Variants in CLSTN2 observed in about 807,000 individuals in gnomAD.
CLSTN2 encodes the protein calsyntenin-2.
A neutral mutation model predicts 101.2 loss-of-function variants in CLSTN2; 48 were observed. The observed-to-expected ratio is 0.47, with a 90% CI of 0.38 to 0.60. The LOEUF is 0.60. Ranked by LOEUF, CLSTN2 falls within the 20% of genes least tolerant of loss-of-function variation. The pLI is 0.00. For missense variants in CLSTN2, 1,160 were observed against 1,238.2 expected (o/e 0.94, Z 0.95); for synonymous variants, 481 against 463.6 (o/e 1.04, Z -0.48).
intron 2 of CLSTN2, among the ~76,000 whole-genome samples, chr3:140,354,274 T>TG (rs567749020): frequency 2.7e-4 from 41 of 152,222 alleles, no homozygotes; most frequent in Non-Finnish European, 3.7e-4. Context: ...TCAAGGGCAC[T>TG]GTAACTCCAC....
chr3:140,373,151 A>T (rs994071485), intron 2 of CLSTN2, among the ~76,000 whole-genome samples: 2 of 152,194 alleles, frequency 1.3e-5, no homozygotes, highest in Non-Finnish European at 2.9e-5. Context: ...TTAACTCGGT[A>T]TTTTCCAAAG....
chr3:140,223,260 T>C lies in CLSTN2; in HGVS notation c.232+47187T>C, dbSNP rs2086290601. 2.0e-5 allele frequency among the ~76,000 whole-genome samples: 3 copies of C among 152,220 alleles called. No homozygotes were observed. In the South Asian group the frequency reaches 6.2e-4, roughly 32 times the overall value. The stretch of plus-strand genomic sequence containing the variant: ...TCATCAACTGGAGAAAGGAAAAGTT[T>C]GTTATGATTGTGGTGCAACCCTAAT... On this transcript the variant is annotated intron_variant, in intron 2 of 16. Transcript: ENST00000458420.
Position 140,133,984 on chromosome 3 carries a change from T to A in CLSTN2, c.110-41967T>A, listed in dbSNP as rs576374602. 2.0e-5 allele frequency among the ~76,000 whole-genome samples: 3 copies of A among 152,292 alleles called. No homozygotes were observed. The East Asian group carries it at 5.8e-4, about 29-fold the overall frequency. On this transcript the variant is annotated intron_variant, in intron 1 of 16. Transcript: ENST00000458420. ...ACCTAAATAGCCACAGCCTGTCTTG[T>A]GGGCAATAGTCACATCTGGCTGCAG...
intron 8 of CLSTN2, among the ~76,000 whole-genome samples, chr3:140,468,417 A>G (rs537982050): frequency 1.1e-3 from 173 of 152,342 alleles, no homozygotes; most frequent in Admixed American, 3.7e-3. Context: ...TAGGTGAGGA[A>G]GGAATTCTGG....
intron 1 of CLSTN2, among the ~76,000 whole-genome samples, chr3:140,117,497 C>A (rs2009265029): frequency 1.3e-5 from 2 of 152,146 alleles, no homozygotes; most frequent in East Asian, 1.9e-4. Flanking sequence ...TGACTCAGAG[C>A]CAGCCTATGA....
At chr3:140,484,538 G>A (rs550674690) in intron 8 of CLSTN2, among the ~76,000 whole-genome samples, 8 of 152,278 alleles carry the variant, frequency 5.3e-5, no homozygotes, top group African/African-American at 1.9e-4. Context: ...AAGTTCTCCT[G>A]GATAATATCC....
chr3:140,044,711 C>G (rs1179633780), intron 1 of CLSTN2, among the ~76,000 whole-genome samples: 2 of 152,148 alleles, frequency 1.3e-5, no homozygotes, highest in Non-Finnish European at 2.9e-5. Flanking sequence ...CCCATCAATA[C>G]CTAACTTATT....
intron 1 of CLSTN2, among the ~76,000 whole-genome samples, chr3:140,084,604 C>G (rs1424195094): frequency 3.3e-5 from 5 of 152,086 alleles, no homozygotes; most frequent in African/African-American, 9.7e-5. Context: ...GGTTATTTTA[C>G]CAAATTCCCA....
intron 15 of CLSTN2, 137 bp downstream of exon 15, chr3:140,563,340 G>A: frequency 1.0e-6 from 1 of 953,394 alleles, no homozygotes; most frequent in Admixed American, 2.6e-5. Context: ...TGGAGAAAAT[G>A]TGCCCTGGCT....
At chr3:140,468,282 G>A (rs576875490) in intron 8 of CLSTN2, among the ~76,000 whole-genome samples, 1 of 152,224 alleles carries the variant, frequency 6.6e-6, no homozygotes, top group East Asian at 1.9e-4. Context: ...ATATTGTGAG[G>A]GTTTTTAAAA....
chr3:140,374,109 A>G (rs2087889382), intron 2 of CLSTN2, among the ~76,000 whole-genome samples: 1 of 152,012 alleles, frequency 6.6e-6, no homozygotes, highest in African/African-American at 2.4e-5. Flanking sequence ...TCCTTCCTAC[A>G]CTTTCAATGG....
At chr3:140,531,061 G>A (rs1298882765) in intron 8 of CLSTN2, among the ~76,000 whole-genome samples, 1 of 151,950 alleles carries the variant, frequency 6.6e-6, no homozygotes, top group Non-Finnish European at 1.5e-5. Context: ...TATGTCTTGG[G>A]GTCACCCCAC....
chr3:140,397,737 T>G (rs906187591), intron 2 of CLSTN2, among the ~76,000 whole-genome samples: 1 of 152,202 alleles, frequency 6.6e-6, no homozygotes, highest in African/African-American at 2.4e-5. Context: ...GTGATTTGGT[T>G]TCAATGTATG....
In CLSTN2 at chr3:140,439,680, T is replaced by TG. The variant is rs34646993; in HGVS notation, c.788-8833dup. ...TCCACGACATTTCAATTCAGGTGGG[T>TG]GGGGGGTGTGCACACATACACAGCA... On this transcript the variant is annotated intron_variant, in intron 5 of 16. Coordinates refer to ENST00000458420, the MANE Select transcript of CLSTN2 (RefSeq NM_022131.3). Among the ~76,000 whole-genome samples, 705 of 152,242 alleles carry TG rather than the reference T, an allele frequency of 4.6e-3. 3 individuals are homozygous for TG. The highest frequency in any genetic ancestry group is 0.015 in the African/African-American group (622 of 41,538).
intron 7 of CLSTN2, 128 bp downstream of exon 7, chr3:140,459,897 CA>C: frequency 9.4e-7 from 1 of 1,063,988 alleles, no homozygotes; most frequent in Non-Finnish European, 1.4e-6. Flanking sequence ...GGAACCCTGC[CA>C]ATATATATTC....
chr3:140,196,117 C>T (rs970869726), intron 2 of CLSTN2, among the ~76,000 whole-genome samples: 4 of 152,212 alleles, frequency 2.6e-5, no homozygotes, highest in Admixed American at 6.5e-5. Context: ...TTCGTGTTAC[C>T]GAAGAAGAAT....
intron 8 of CLSTN2, among the ~76,000 whole-genome samples, chr3:140,471,232 T>C (rs559125634): frequency 5.9e-5 from 9 of 152,224 alleles, no homozygotes; most frequent in Admixed American, 3.9e-4. Context: ...ACAGGATAGG[T>C]TGACTAACTT....
chr3:140,123,791 G>C (rs2009383948), intron 1 of CLSTN2, among the ~76,000 whole-genome samples: 1 of 151,074 alleles, frequency 6.6e-6, no homozygotes, highest in African/African-American at 2.4e-5. Flanking sequence ...CATGAGGGGA[G>C]AGAGATGGAG....
At chr3:140,080,753 C>G (rs2008581426) in intron 1 of CLSTN2, among the ~76,000 whole-genome samples, 1 of 152,230 alleles carries the variant, frequency 6.6e-6, no homozygotes, top group Non-Finnish European at 1.5e-5. Context: ...CAAACACCCT[C>G]CAATCAGTCC....
Sources: allele counts gnomAD v4.1 joint callset (sites outside exome capture counted in the v4.1 genomes callset), GRCh38; gene constraint gnomAD v4.1.1; transcripts MANE v1.5; gene names NCBI Gene and HGNC (gene_info 2026-07-23, HGNC 2026-07-21).